The following GSG1 variants were observed in gnomAD, a reference collection of about 807,000 sequenced individuals.
GSG1 encodes germ cell associated 1.
In GSG1, 28 loss-of-function variants were observed where a neutral mutation model predicts 30.8. The observed-to-expected ratio is 0.91, with a 90% CI of 0.67 to 1.25. The LOEUF is 1.25. Among genes scored for constraint, GSG1 ranks in the 50% most tolerant of loss-of-function variants. The pLI is 0.00. For missense variants in GSG1, 435 were observed against 444.7 expected (o/e 0.98, Z 0.20); for synonymous variants, 162 against 178.0 (o/e 0.91, Z 0.71).
At chr12:13,100,044 A>G (rs763675384) in intron 1 of GSG1, among the ~76,000 whole-genome samples, 24 of 152,318 alleles carry the variant, frequency 1.6e-4, no homozygotes, top group Non-Finnish European at 2.8e-4. Flanking sequence ...CTTGTCTGTC[A>G]TGCTCATTTG....
chr12:13,099,740 G>GTTTTTTTTT (rs1243237814), intron 1 of GSG1, among the ~76,000 whole-genome samples: 24 of 95,786 alleles, frequency 2.5e-4, no homozygotes, highest in East Asian at 3.7e-4. Flanking sequence ...GGGATCCGGT[G>GTTTTTTTTT]TTTTTTTTTG....
At chr12:13,088,206 AT>A in intron 4 of GSG1, 147 bp from the exon 5 acceptor site, 1 of 816,966 alleles carries the variant, frequency 1.2e-6, no homozygotes, top group South Asian at 1.8e-5. Flanking sequence ...AGGGAGGAAC[AT>A]TACTTCATTT....
chr12:13,084,726 A>G lies in GSG1; in HGVS notation c.*175T>C. ...GAAACAAGATGGAGCTGTAGAGGAA[A>G]AGAGAGCAGTGGCACCCAGGAATCC... On this transcript the variant is annotated 3_prime_UTR_variant, in exon 7 of 7. Coordinates refer to ENST00000651961, the MANE Select transcript of GSG1 (RefSeq NM_001080555.4). 1 of 524,062 alleles carries G rather than the reference A, an allele frequency of 1.9e-6. No individual in the cohort carries two copies. Among genetic ancestry groups the G allele is most frequent in the South Asian group, 3.2e-5 (1 of 31,126 alleles). The allele number at this position is 524,062 out of a possible 1,614,324, so 32.5% of individuals were successfully genotyped here.
chr12:13,099,754 T>TTTTTTG (rs1863035082), intron 1 of GSG1, among the ~76,000 whole-genome samples: 7 of 118,012 alleles, frequency 5.9e-5, no homozygotes, highest in African/African-American at 2.9e-4. Flanking sequence ...TTTTTTGTTT[T>TTTTTTG]TTTTTTTTTT....
chr12:13,088,735 T>G (rs1196334949), intron 4 of GSG1, 127 bp downstream of exon 4: 1 of 1,611,916 alleles, frequency 6.2e-7, no homozygotes, highest in Non-Finnish European at 8.5e-7. Flanking sequence ...ATCAGACACA[T>G]ACTTGCCACA....
chr12:13,103,632 G>T lies in GSG1; in HGVS notation c.-120C>A. Reference sequence around the variant, plus strand: ...CAGGTCCCCTCTTGCCAGCAGAGGGGTAAGGTGGTGTGTGGTGGATTGGAG... The same window carrying T: ...CAGGTCCCCTCTTGCCAGCAGAGGGTTAAGGTGGTGTGTGGTGGATTGGAG... On this transcript the variant is annotated 5_prime_UTR_variant, in exon 1 of 7. Coordinates refer to ENST00000651961, the MANE Select transcript of GSG1 (RefSeq NM_001080555.4). The T allele has an allele frequency of 9.4e-7, 1 of 1,068,322 alleles. No individual in the cohort carries two copies. Among genetic ancestry groups the T allele is most frequent in the Non-Finnish European group, 1.4e-6 (1 of 699,948 alleles). The allele number at this position is 1,068,322 out of a possible 1,614,324, so 66.2% of individuals were successfully genotyped here. A position where few individuals can be genotyped will look rare whatever the true frequency, so the allele number is the denominator to read the frequency against.
chr12:13,097,727 G>C (rs1862837944), intron 1 of GSG1, among the ~76,000 whole-genome samples: 1 of 152,142 alleles, frequency 6.6e-6, no homozygotes, highest in African/African-American at 2.4e-5. Flanking sequence ...ATTTTAGAAA[G>C]TTCTTAATAT....
chr12:13,095,461 A>G (rs1052423120), intron 1 of GSG1: 1 of 875,250 alleles, frequency 1.1e-6, no homozygotes, highest in African/African-American at 1.6e-5. Context: ...ACATCAGCAT[A>G]TATTAACAGA....
intron 1 of GSG1, among the ~76,000 whole-genome samples, chr12:13,102,962 C>T (rs1285656078): frequency 6.6e-6 from 1 of 152,250 alleles, no homozygotes; most frequent in African/African-American, 2.4e-5. Context: ...TTGTCCTTCC[C>T]AGTTCCAGAT....
intron 1 of GSG1, among the ~76,000 whole-genome samples, chr12:13,095,356 T>C (rs1866572156): frequency 6.6e-6 from 1 of 152,236 alleles, no homozygotes; most frequent in South Asian, 2.1e-4. Flanking sequence ...GGTGACTCTT[T>C]ACTCGCTAGA....
intron 2 of GSG1, 146 bp from the exon 3 acceptor site, chr12:13,089,422 C>A: frequency 7.2e-7 from 1 of 1,379,788 alleles, no homozygotes; most frequent in Non-Finnish European, 9.7e-7. Flanking sequence ...GTACCAGGTG[C>A]TTTCTTCCCA....
chr12:13,099,874 C>T (rs566256314), intron 1 of GSG1, among the ~76,000 whole-genome samples: 4 of 151,908 alleles, frequency 2.6e-5, no homozygotes, highest in Non-Finnish European at 4.4e-5. Flanking sequence ...CTGACCCACG[C>T]GCCATTAGCT....
intron 1 of GSG1, among the ~76,000 whole-genome samples, chr12:13,100,037 G>C (rs910645901): frequency 6.6e-6 from 1 of 152,170 alleles, no homozygotes; most frequent in Non-Finnish European, 1.5e-5. Context: ...TGGCTTACTT[G>C]TCTGTCATGC....
intron 1 of GSG1, among the ~76,000 whole-genome samples, chr12:13,100,879 T>C (rs1296775729): frequency 2.0e-5 from 3 of 152,178 alleles, no homozygotes; most frequent in African/African-American, 4.8e-5. Context: ...ATCAAATGAC[T>C]CTAGTCTTCC....
intron 2 of GSG1, among the ~76,000 whole-genome samples, chr12:13,089,766 A>T (rs1056451285): frequency 6.6e-6 from 1 of 152,228 alleles, no homozygotes; most frequent in Non-Finnish European, 1.5e-5. Flanking sequence ...AAACGAAGTT[A>T]TAGGCTGGGC....
At position 13,101,514 on chromosome 12, in the gene GSG1, G is replaced by T. The variant is rs1012068587; in HGVS notation, c.48+1951C>A. Among the ~76,000 whole-genome samples, 2 of 152,224 alleles carry T rather than the reference G, an allele frequency of 1.3e-5. No individual in the cohort carries two copies. The highest frequency in any genetic ancestry group is 6.5e-5 in the Admixed American group (1 of 15,292). On this transcript the variant is annotated intron_variant, in intron 1 of 6. Coordinates refer to ENST00000651961, the MANE Select transcript of GSG1 (RefSeq NM_001080555.4). This position sits in a 1 kb window ranked among gnomAD's most constrained non-coding sequence, Gnocchi z 5.8. ...CAGAGAGCAGGGACTGCCAGGGCAG[G>T]CCAGGGACCCGGCGAGCCGCGGAGG...
intron 3 of GSG1, 52 bp from the exon 4 acceptor site, chr12:13,088,961 A>G: frequency 6.2e-7 from 1 of 1,601,274 alleles, no homozygotes; most frequent in Non-Finnish European, 8.5e-7. Context: ...GATGGTTGGA[A>G]TGAAAACCTT....
intron 4 of GSG1, among the ~76,000 whole-genome samples, chr12:13,088,278 T>G (rs934913651): frequency 6.8e-6 from 1 of 148,044 alleles, no homozygotes; most frequent in East Asian, 2.2e-4. Flanking sequence ...CAAGTAAGCT[T>G]GACTGACTGT....
chr12:13,087,855 C>T, intron 5 of GSG1, 52 bp downstream of exon 5: 1 of 1,587,698 alleles, frequency 6.3e-7, no homozygotes, highest in Admixed American at 1.8e-5. Context: ...CCAGCTAGGG[C>T]TTCAAAAGTG....
Sources: allele counts gnomAD v4.1 joint callset (sites outside exome capture counted in the v4.1 genomes callset), GRCh38; gene constraint gnomAD v4.1.1; non-coding constraint Gnocchi (gnomAD v3.1); transcripts MANE v1.5; gene names NCBI Gene and HGNC (gene_info 2026-07-23, HGNC 2026-07-21).